FRMPD4: variants seen among roughly 807,000 people sequenced by gnomAD.
FRMPD4 encodes the protein FERM and PDZ domain-containing protein 4.
FRMPD4 carries 22 observed loss-of-function variants against 94.1 expected under a neutral mutation model. That is an observed-to-expected ratio of 0.23 (90% CI 0.17 to 0.33). FRMPD4 has a LOEUF of 0.33. Ranked by LOEUF, FRMPD4 falls within the 10% of genes least tolerant of loss-of-function variation. The probability of loss-of-function intolerance (pLI) is 1.00; values close to 1 mark genes in which losing one functional copy is unlikely to be tolerated. For synonymous variants in FRMPD4, 631 were observed against 548.6 expected (o/e 1.15, Z -2.10); for missense variants, 1,111 against 1,339.9 (o/e 0.83, Z 2.67).
rs1302486178 is a variant in FRMPD4 at position 11,863,087 on chromosome X, T to G, written c.-160-1999T>G. The stretch of plus-strand genomic sequence containing the variant: ...GTACAACGTGCAGGTTTGTTACATA[T>G]GTATACATGTGACATGTTGGTGTGC... On this transcript the variant is annotated intron_variant, in intron 1 of 18. Coordinates refer to the FRMPD4 transcript ENST00000640291. Among the ~76,000 whole-genome samples the G allele has an allele frequency of 2.8e-5, 3 of 107,545 alleles. No individual in the cohort carries two copies. The East Asian group carries it at 8.8e-4, about 32-fold the overall frequency. The allele number at this position is 107,545 out of a possible 115,157, so 93.4% of individuals were successfully genotyped here. A position where few individuals can be genotyped will look rare whatever the true frequency, so the allele number is the denominator to read the frequency against.
At chrX:12,270,625 A>G (rs1441493875) in intron 1 of FRMPD4, among the ~76,000 whole-genome samples, 1 of 112,023 alleles carries the variant, frequency 8.9e-6, no homozygotes, top group East Asian at 2.8e-4. Context: ...CTACATATGC[A>G]TATGTGTATA....
chrX:12,683,366 A>G (rs966851903), intron 5 of FRMPD4, 117 bp from the exon 6 acceptor site: 36 of 436,300 alleles, frequency 8.3e-5, no homozygotes, highest in Middle Eastern at 6.4e-4. Flanking sequence ...TGAATCGGAC[A>G]TGCACCAAGC....
At chrX:12,013,322 C>T (rs1320271489) in intron 3 of FRMPD4, among the ~76,000 whole-genome samples, 2 of 111,925 alleles carry the variant, frequency 1.8e-5, no homozygotes, top group African/African-American at 6.5e-5. Context: ...GAGGAGTCAT[C>T]AATCAAGCCC....
Position 12,614,746 on chromosome X carries a change from T to A in FRMPD4, c.320-33T>A, listed in dbSNP as rs780353872. 8 of 767,300 alleles carry A rather than the reference T, an allele frequency of 1.0e-5. No individual in the cohort carries two copies. In the South Asian group the frequency reaches 1.8e-4, roughly 17 times the overall value. 63.2% of individuals were successfully genotyped at this position (767,300 alleles called of 1,213,427 possible). A position where few individuals can be genotyped will look rare whatever the true frequency, so the allele number is the denominator to read the frequency against. ...GGCTTGGGATAGGTTGCTAATGGTC[T>A]TCTCACCTGTGCTTCATTCTATTTG... is the stretch of plus-strand genomic sequence containing the variant. On this transcript the variant is annotated intron_variant, in intron 3 of 16. Transcript: ENST00000675598.
At chrX:12,471,856 G>C (rs760691704) in intron 1 of FRMPD4, among the ~76,000 whole-genome samples, 3 of 112,020 alleles carry the variant, frequency 2.7e-5, no homozygotes, top group African/African-American at 6.5e-5. Context: ...CAAGTCATGT[G>C]ACCAAGTGAA....
chrX:11,850,890 A>G (rs1222236039), intron 1 of FRMPD4, among the ~76,000 whole-genome samples: 1 of 112,290 alleles, frequency 8.9e-6, no homozygotes, highest in Non-Finnish European at 1.9e-5. Context: ...TGGTTCCACA[A>G]TGATATGAAT....
chrX:12,486,208 A>G (rs934070042), intron 1 of FRMPD4, among the ~76,000 whole-genome samples: 1 of 110,711 alleles, frequency 9.0e-6, no homozygotes, highest in African/African-American at 3.3e-5. Context: ...GTCAGCATCC[A>G]CTCCTTACCT....
At chrX:11,888,404 A>G (rs1222582348) in intron 3 of FRMPD4, among the ~76,000 whole-genome samples, 3 of 112,376 alleles carry the variant, frequency 2.7e-5, no homozygotes, top group Admixed American at 9.4e-5. Context: ...TGTCTTCACA[A>G]TTTACTAATT....
intron 1 of FRMPD4, among the ~76,000 whole-genome samples, chrX:12,321,628 T>C (rs904026971): frequency 5.4e-5 from 6 of 111,967 alleles, no homozygotes; most frequent in African/African-American, 1.9e-4. Context: ...CAACTTACAA[T>C]GCGTTTATTG....
chrX:12,117,960 C>T (rs1256074186), intron 3 of FRMPD4, among the ~76,000 whole-genome samples: 5 of 111,696 alleles, frequency 4.5e-5, no homozygotes, highest in African/African-American at 1.6e-4. Flanking sequence ...TTGCTTGATA[C>T]ACTCTTTCCC....
chrX:12,676,070 C>A (rs904637708), intron 5 of FRMPD4, among the ~76,000 whole-genome samples: 1 of 112,306 alleles, frequency 8.9e-6, no homozygotes, highest in African/African-American at 3.2e-5. Flanking sequence ...TCACTGTTAA[C>A]TCCATCTCTT....
Position 12,694,445 on chromosome X carries a change from C to T in FRMPD4, c.924C>T (p.Leu308=), listed in dbSNP as rs1189634158. The change falls in exon 9 of 17, where the codon CTC becomes CTT. Residue 308 remains leucine, a synonymous_variant. Transcript: ENST00000675598. The part of the protein sequence containing the change: ...LRRDPVAFEY[L]YVQSCNDVVQ... ...GAGATCCAGTTGCTTTCGAGTATCT[C>T]TATGTTCAGGTATGTTAAAATTTTG... 3 of 1,196,576 alleles carry T rather than the reference C, an allele frequency of 2.5e-6. No homozygotes were observed. In the South Asian group the frequency reaches 5.3e-5, roughly 21 times the overall value.
intron 1 of FRMPD4, among the ~76,000 whole-genome samples, chrX:12,407,910 T>C (rs1242519183): frequency 2.7e-5 from 3 of 111,266 alleles, no homozygotes; most frequent in Non-Finnish European, 3.8e-5. Context: ...CTATATATTG[T>C]TGTCGACAGC....
intron 1 of FRMPD4, among the ~76,000 whole-genome samples, chrX:12,474,488 C>CA (rs1319707717): frequency 9.0e-6 from 1 of 111,287 alleles, no homozygotes; most frequent in African/African-American, 3.3e-5. Flanking sequence ...AATAGAGACA[C>CA]AAAAAACCCT....
chrX:12,723,395 C>G lies in FRMPD4; in HGVS notation c.*1537C>G, dbSNP rs1277019451. The G allele has an allele frequency of 2.7e-5, 3 of 111,451 alleles. No homozygotes were observed. The highest frequency in any genetic ancestry group is 5.6e-5 in the Non-Finnish European group (3 of 53,125). 9.2% of individuals were successfully genotyped at this position (111,451 alleles called of 1,213,427 possible). ...TGCTGAGAAGGAGTCATAACACAGT[C>G]CACAATTGCAATCTCTCTCTAGTCA... is the stretch of plus-strand genomic sequence containing the variant. On this transcript the variant is annotated 3_prime_UTR_variant, in exon 17 of 17. Transcript: ENST00000675598.
At chrX:12,654,041 C>G (rs375858657) in intron 4 of FRMPD4, among the ~76,000 whole-genome samples, 2 of 112,016 alleles carry the variant, frequency 1.8e-5, no homozygotes, top group East Asian at 2.8e-4. Context: ...AAAGTGCTGG[C>G]ATTACAGGCG....
intron 2 of FRMPD4, among the ~76,000 whole-genome samples, chrX:12,547,011 TAAAAAAAAA>T (rs57946725): frequency 8.6e-4 from 29 of 33,771 alleles, no homozygotes; most frequent in African/African-American, 3.2e-3. Context: ...ACTGTCTCTT[TAAAAAAAAA>T]AAAAAAAAAA....
chrX:12,518,270 C>T (rs1208249621), intron 2 of FRMPD4, among the ~76,000 whole-genome samples: 1 of 111,963 alleles, frequency 8.9e-6, no homozygotes, highest in Non-Finnish European at 1.9e-5. Flanking sequence ...AGAATCTGCA[C>T]AGCTATGTGC....
intron 3 of FRMPD4, among the ~76,000 whole-genome samples, chrX:11,992,712 AG>A (rs907456055): frequency 1.8e-5 from 2 of 111,841 alleles, no homozygotes; most frequent in African/African-American, 6.5e-5. Flanking sequence ...TAGAGGGCGA[AG>A]AAAATTCAAG....
Sources: allele counts gnomAD v4.1 joint callset (sites outside exome capture counted in the v4.1 genomes callset), GRCh38; gene constraint gnomAD v4.1.1; transcripts MANE v1.5; gene names NCBI Gene and HGNC (gene_info 2026-07-23, HGNC 2026-07-21).